The following TMEM215 variants were observed in gnomAD, a reference collection of about 807,000 sequenced individuals.
The protein encoded by TMEM215 is transmembrane protein 215.
TMEM215 carries 12 observed loss-of-function variants against 14.7 expected under a neutral mutation model. That is an observed-to-expected ratio of 0.82 (90% CI 0.52 to 1.33). TMEM215 has a LOEUF of 1.33. Ranked by LOEUF, TMEM215 falls within the 40% of genes most tolerant of loss-of-function variation. The pLI is 0.00. For missense variants in TMEM215, 276 were observed against 296.2 expected, an observed-to-expected ratio of 0.93 and a Z score of 0.50; for synonymous variants, 122 against 124.8, an observed-to-expected ratio of 0.98 and a Z score of 0.15.
rs570901335 is a variant in TMEM215 at position 32,784,222 on chromosome 9, G to C, written c.39G>C (p.Val13=). Residue 13 remains valine, a synonymous_variant, in exon 2 of 2, where the codon GTG becomes GTC. Coordinates refer to ENST00000342743, the MANE Select transcript of TMEM215 (RefSeq NM_212558.3). ...PDDINPRTGL[V]VALVSVFLVF... ...ACATTAACCCGAGGACTGGGCTGGT[G>C]GTGGCCCTGGTCAGTGTCTTCCTCG... 1.2e-6 allele frequency: 2 copies of C among 1,614,134 alleles called. No individual in the cohort carries two copies. Among genetic ancestry groups the C allele is most frequent in the South Asian group, 2.2e-5 (2 of 91,080 alleles).
In TMEM215 at chr9:32,784,451, G is replaced by C; in HGVS notation, c.268G>C (p.Glu90Gln). 1.2e-6 allele frequency: 2 copies of C among 1,614,174 alleles called. No homozygotes were observed. Among genetic ancestry groups the C allele is most frequent in the East Asian group, 4.5e-5 (2 of 44,872 alleles). Residue 90 changes from glutamate (E) to glutamine (Q), a missense_variant, in exon 2 of 2, where the codon GAG (glutamate) becomes CAG (glutamine). Glu to Gln is a conservative substitution (Grantham distance 29). Transcript: ENST00000342743. ...CTGCTTCCGGAAACCCAAAGACAAG[G>C]AGGTGGTAGAGCTGCTGAGGACCCC... ...LPCFRKPKDK[E>Q]VVELLRTPSD...
chr9:32,784,642 G>A lies in TMEM215; in HGVS notation c.459G>A (p.Gly153=), dbSNP rs753245713. The part of the protein sequence containing the change: ...EGECQSLVQN[G]HQEETSRYLD... Reference sequence around the variant, plus strand: ...AATGCCAGAGCCTCGTCCAGAATGGGCATCAGGAGGAGACGTCCAGATACC... The same window carrying A: ...AATGCCAGAGCCTCGTCCAGAATGGACATCAGGAGGAGACGTCCAGATACC... Residue 153 remains glycine (G), a synonymous_variant, in exon 2 of 2, where the codon GGG becomes GGA. Transcript: ENST00000342743. 6.2e-7 allele frequency: 1 copy of A among 1,613,708 alleles called. No individual in the cohort carries two copies. The highest frequency in any genetic ancestry group is 1.1e-5 in the South Asian group (1 of 91,072).
At position 32,788,334 on chromosome 9, in the gene TMEM215, A is replaced by G. The variant is rs1459872064; in HGVS notation, c.*3443A>G. ...ATCCTAAAGCAACTACTGTGTTTCT[A>G]TTTTGGTATATCATCTTCCAGGCTT... On this transcript the variant is annotated 3_prime_UTR_variant, in exon 2 of 2. Coordinates refer to ENST00000342743, the MANE Select transcript of TMEM215 (RefSeq NM_212558.3). Among the ~76,000 whole-genome samples, 2 of 152,222 alleles carry G rather than the reference A, an allele frequency of 1.3e-5. No individual in the cohort carries two copies. Among genetic ancestry groups the G allele is most frequent in the African/African-American group, 4.8e-5 (2 of 41,456 alleles).
Position 32,785,611 on chromosome 9 carries a change from T to C in TMEM215, c.*720T>C, listed in dbSNP as rs1824498617. The C allele has an allele frequency of 6.0e-6, 1 of 167,082 alleles. No homozygotes were observed. The highest frequency in any genetic ancestry group is 6.5e-5 in the Admixed American group (1 of 15,292). The allele number at this position is 167,082 out of a possible 1,614,324, so 10.3% of individuals were successfully genotyped here. On this transcript the variant is annotated 3_prime_UTR_variant, in exon 2 of 2. Coordinates refer to ENST00000342743, the MANE Select transcript of TMEM215 (RefSeq NM_212558.3). The stretch of plus-strand genomic sequence containing the variant: ...TCTTCGTTTAAATCCATTTATTGCA[T>C]CTTTATCTGAAATGGGTTTTTTCTA...
chr9:32,788,972 T>G lies in TMEM215; in HGVS notation c.*4081T>G, dbSNP rs1035799909. On this transcript the variant is annotated 3_prime_UTR_variant, in exon 2 of 2. Coordinates refer to ENST00000342743, the MANE Select transcript of TMEM215 (RefSeq NM_212558.3). ...TGACTTTGTAATATGCCAAAAGCAT[T>G]TTCTTAAAGTACCTCATCATATATT... Among the ~76,000 whole-genome samples, 1 of 152,202 alleles carries G rather than the reference T, an allele frequency of 6.6e-6. No individual in the cohort carries two copies. Among genetic ancestry groups the G allele is most frequent in the African/African-American group, 2.4e-5 (1 of 41,452 alleles).
Position 32,784,824 on chromosome 9 carries a change from C to A in TMEM215, c.641C>A (p.Pro214Gln). The part of the protein sequence containing the change: ...IIVCSYKQNS[P>Q]YDRYCCYINQ... ...GTTTGCTCCTACAAGCAGAACAGCCCGTATGACAGATACTGTTGTTATATC... is the reference window on the plus strand; with the variant it reads ...GTTTGCTCCTACAAGCAGAACAGCCAGTATGACAGATACTGTTGTTATATC... The change falls in exon 2 of 2, where the codon CCG becomes CAG. Residue 214 changes from proline (P) to glutamine (Q), a missense_variant. Pro to Gln is a moderately conservative substitution (Grantham distance 76). Transcript: ENST00000342743. 1 of 1,613,388 alleles carries A rather than the reference C, an allele frequency of 6.2e-7. No homozygotes were observed. The highest frequency in any genetic ancestry group is 8.5e-7 in the Non-Finnish European group (1 of 1,180,020).
In TMEM215 at chr9:32,788,284, G is replaced by A. The variant is rs528177147; in HGVS notation, c.*3393G>A. ...AGTATTTTATCACAGTAAAGAAAAG[G>A]TTTCTGAAAACCCACAACCTCACTA... is the stretch of plus-strand genomic sequence containing the variant. On this transcript the variant is annotated 3_prime_UTR_variant, in exon 2 of 2. Coordinates refer to ENST00000342743, the MANE Select transcript of TMEM215 (RefSeq NM_212558.3). Among the ~76,000 whole-genome samples the A allele has an allele frequency of 6.6e-6, 1 of 152,058 alleles. No homozygotes were observed. Among genetic ancestry groups the A allele is most frequent in the Non-Finnish European group, 1.5e-5 (1 of 67,972 alleles).
rs1307160223 is a variant in TMEM215, at chr9:32,787,589, A to G, written c.*2698A>G. ...AAATATATATACACAAAAAAAGGGG[A>G]AAAGCCACATTTTTTTGAACAGAGG... is the stretch of plus-strand genomic sequence containing the variant. On this transcript the variant is annotated 3_prime_UTR_variant, in exon 2 of 2. Coordinates refer to ENST00000342743, the MANE Select transcript of TMEM215 (RefSeq NM_212558.3). Among the ~76,000 whole-genome samples, 1 of 152,098 alleles carries G rather than the reference A, an allele frequency of 6.6e-6. No homozygotes were observed. Among genetic ancestry groups the G allele is most frequent in the African/African-American group, 2.4e-5 (1 of 41,438 alleles).
Position 32,785,086 on chromosome 9 carries a change from G to A in TMEM215, c.*195G>A. On this transcript the variant is annotated 3_prime_UTR_variant, in exon 2 of 2. Coordinates refer to ENST00000342743, the MANE Select transcript of TMEM215 (RefSeq NM_212558.3). Reference sequence around the variant, plus strand: ...CACATTTTAGGGAAGGGCGATGAGGGTTAAGGACACTGGAAGAGGCAGTGG... The same window carrying A: ...CACATTTTAGGGAAGGGCGATGAGGATTAAGGACACTGGAAGAGGCAGTGG... 1 of 583,266 alleles carries A rather than the reference G, an allele frequency of 1.7e-6. No individual in the cohort carries two copies. Among genetic ancestry groups the A allele is most frequent in the Non-Finnish European group, 3.1e-6 (1 of 322,386 alleles). The allele number at this position is 583,266 out of a possible 1,614,324, so 36.1% of individuals were successfully genotyped here.
Position 32,786,387 on chromosome 9 carries a change from G to A in TMEM215, c.*1496G>A, listed in dbSNP as rs964879405. 21 of 166,904 alleles carry A rather than the reference G, an allele frequency of 1.3e-4. No homozygotes were observed. The highest frequency in any genetic ancestry group is 2.5e-4 in the Non-Finnish European group (17 of 68,056). 10.3% of individuals were successfully genotyped at this position (166,904 alleles called of 1,614,324 possible). On this transcript the variant is annotated 3_prime_UTR_variant, in exon 2 of 2. Transcript: ENST00000342743. ...AAGTATAGCAATTGTTCTGTCTTAA[G>A]AATCATGGTATTTTTAAAAAATCAT...
In TMEM215 at chr9:32,788,503, T is replaced by C. The variant is rs1824531724; in HGVS notation, c.*3612T>C. On this transcript the variant is annotated 3_prime_UTR_variant, in exon 2 of 2. Coordinates refer to ENST00000342743, the MANE Select transcript of TMEM215 (RefSeq NM_212558.3). ...TGTGTAATATGCCATTTTAGTGATGTTCCATAATTTATCATGCCATTCCTT... is the reference window on the plus strand; with the variant it reads ...TGTGTAATATGCCATTTTAGTGATGCTCCATAATTTATCATGCCATTCCTT... 6.6e-6 allele frequency among the ~76,000 whole-genome samples: 1 copy of C among 152,262 alleles called. No homozygotes were observed. The highest frequency in any genetic ancestry group is 1.5e-5 in the Non-Finnish European group (1 of 68,038).
In TMEM215 at chr9:32,788,330, T is replaced by C. The variant is rs1438116700; in HGVS notation, c.*3439T>C. Among the ~76,000 whole-genome samples the C allele has an allele frequency of 1.3e-5, 2 of 152,222 alleles. No individual in the cohort carries two copies. The highest frequency in any genetic ancestry group is 2.9e-5 in the Non-Finnish European group (2 of 68,016). On this transcript the variant is annotated 3_prime_UTR_variant, in exon 2 of 2. Coordinates refer to ENST00000342743, the MANE Select transcript of TMEM215 (RefSeq NM_212558.3). ...CACTATCCTAAAGCAACTACTGTGTTTCTATTTTGGTATATCATCTTCCAG... is the reference window on the plus strand; with the variant it reads ...CACTATCCTAAAGCAACTACTGTGTCTCTATTTTGGTATATCATCTTCCAG...
rs1378535449 is a variant in TMEM215 at position 32,787,712 on chromosome 9, A to G, written c.*2821A>G. 1.3e-5 allele frequency among the ~76,000 whole-genome samples: 2 copies of G among 152,126 alleles called. No individual in the cohort carries two copies. The highest frequency in any genetic ancestry group is 4.8e-5 in the African/African-American group (2 of 41,456). ...CAGTTTTAGCAAATTGTTCTTATCAATATAATAGACATGAGGATTGTTCCT... is the reference window on the plus strand; with the variant it reads ...CAGTTTTAGCAAATTGTTCTTATCAGTATAATAGACATGAGGATTGTTCCT... On this transcript the variant is annotated 3_prime_UTR_variant, in exon 2 of 2. Coordinates refer to ENST00000342743, the MANE Select transcript of TMEM215 (RefSeq NM_212558.3).
Position 32,784,997 on chromosome 9 carries a change from C to G in TMEM215, c.*106C>G. 3.2e-6 allele frequency: 3 copies of G among 942,090 alleles called. No homozygotes were observed. The highest frequency in any genetic ancestry group is 2.4e-5 in the Admixed American group (1 of 42,010). 58.4% of individuals were successfully genotyped at this position (942,090 alleles called of 1,614,324 possible). A position where few individuals can be genotyped will look rare whatever the true frequency, so the allele number is the denominator to read the frequency against. ...AGCCTTCACACTGTTAGAAATTGAC[C>G]TGGTATGTGATGGGTGTGATAACCT... On this transcript the variant is annotated 3_prime_UTR_variant, in exon 2 of 2. Coordinates refer to ENST00000342743, the MANE Select transcript of TMEM215 (RefSeq NM_212558.3).
rs1163991221 is a variant in TMEM215, at chr9:32,784,426, C to T, written c.243C>T (p.Pro81=). 1 of 1,614,222 alleles carries T rather than the reference C, an allele frequency of 6.2e-7. No homozygotes were observed. Among genetic ancestry groups the T allele is most frequent in the Non-Finnish European group, 8.5e-7 (1 of 1,180,036 alleles). ...AGCTGCTGTGGGTCCGCAAATTGCC[C>T]TGCTTCCGGAAACCCAAAGACAAGG... ...ENELLWVRKL[P]CFRKPKDKEV... is the part of the protein sequence containing the mutation. Residue 81 remains proline, a synonymous_variant, in exon 2 of 2, where the codon CCC becomes CCT. Coordinates refer to ENST00000342743, the MANE Select transcript of TMEM215 (RefSeq NM_212558.3).
rs1824503734 is a variant in TMEM215 at position 32,786,095 on chromosome 9, C to A, written c.*1204C>A. ...AATCACAATGATATCCTAAAATGTG[C>A]TTTCTATTTCACTTGCTCAACTGCA... On this transcript the variant is annotated 3_prime_UTR_variant, in exon 2 of 2. Transcript: ENST00000342743. The A allele has an allele frequency of 1.2e-5, 2 of 166,940 alleles. No individual in the cohort carries two copies. 10.3% of individuals were successfully genotyped at this position (166,940 alleles called of 1,614,324 possible). A position where few individuals can be genotyped will look rare whatever the true frequency, so the allele number is the denominator to read the frequency against.
Position 32,786,265 on chromosome 9 carries a change from A to G in TMEM215, c.*1374A>G, listed in dbSNP as rs1157801166. On this transcript the variant is annotated 3_prime_UTR_variant, in exon 2 of 2. Transcript: ENST00000342743. ...AAGAATGATCATTTTAAGTGATCATATAGTCTTAGTCACTTTCTCCCAAAA... is the reference window on the plus strand; with the variant it reads ...AAGAATGATCATTTTAAGTGATCATGTAGTCTTAGTCACTTTCTCCCAAAA... The G allele has an allele frequency of 6.0e-6, 1 of 167,066 alleles. No individual in the cohort carries two copies. The highest frequency in any genetic ancestry group is 2.4e-5 in the African/African-American group (1 of 41,476). The allele number at this position is 167,066 out of a possible 1,614,324, so 10.3% of individuals were successfully genotyped here. A position where few individuals can be genotyped will look rare whatever the true frequency, so the allele number is the denominator to read the frequency against.
chr9:32,784,213 TG>T lies in TMEM215; in HGVS notation c.33del (p.Leu12TrpfsTer21). The T allele has an allele frequency of 2.5e-6, 4 of 1,613,962 alleles. No homozygotes were observed. The highest frequency in any genetic ancestry group is 3.4e-6 in the Non-Finnish European group (4 of 1,179,906). ...GGCCTGATGACATTAACCCGAGGAC[TG>T]GGCTGGTGGTGGCCCTGGTCAGTGT... Reference protein sequence around the residue: MRPDDINPRTGLVVALVSVFL... With the variant: MRPDDINPRTXLVVALVSVFL... On this transcript the variant is annotated frameshift_variant, in exon 2 of 2. Transcript: ENST00000342743. LOFTEE classifies it high-confidence loss of function.
Position 32,788,900 on chromosome 9 carries a change from C to T in TMEM215, c.*4009C>T, listed in dbSNP as rs916016752. ...TTACAGTGGTGTCAGTCTTCAAGAG[C>T]ATCGTGTTCAACAAGCAAAATGATA... On this transcript the variant is annotated 3_prime_UTR_variant, in exon 2 of 2. Coordinates refer to ENST00000342743, the MANE Select transcript of TMEM215 (RefSeq NM_212558.3). Among the ~76,000 whole-genome samples, 2 of 152,162 alleles carry T rather than the reference C, an allele frequency of 1.3e-5. No individual in the cohort carries two copies. Among genetic ancestry groups the T allele is most frequent in the Non-Finnish European group, 2.9e-5 (2 of 68,014 alleles).
Sources: allele counts gnomAD v4.1 joint callset (sites outside exome capture counted in the v4.1 genomes callset), GRCh38; gene constraint gnomAD v4.1.1; transcripts MANE v1.5; gene names NCBI Gene and HGNC (gene_info 2026-07-23, HGNC 2026-07-21).